The following CHIC1 variants were observed in gnomAD, a reference collection of about 807,000 sequenced individuals.
CHIC1 encodes cysteine-rich hydrophobic domain-containing protein 1.
In CHIC1, 7 loss-of-function variants were observed where a neutral mutation model predicts 18.5. The observed-to-expected ratio is 0.38, with a 90% CI of 0.22 to 0.71. The LOEUF is 0.71. CHIC1 is among the 30% of genes least tolerant of loss of function. The probability of loss-of-function intolerance (pLI) is 0.49; values close to 1 mark genes in which losing one functional copy is unlikely to be tolerated. For synonymous variants in CHIC1, 77 were observed against 73.5 expected, an observed-to-expected ratio of 1.05 and a Z score of -0.25; for missense variants, 159 against 176.9, an observed-to-expected ratio of 0.90 and a Z score of 0.57.
chrX:73,597,545 A>T (rs867473574), intron 3 of CHIC1, among the ~76,000 whole-genome samples: 1 of 107,660 alleles, frequency 9.3e-6, no homozygotes, highest in Non-Finnish European at 1.9e-5. Context: ...ATCTTAAAAA[A>T]ATATATTTTT....
intron 3 of CHIC1, among the ~76,000 whole-genome samples, chrX:73,632,763 CTTTTTTT>C (rs778008597): frequency 7.9e-5 from 5 of 63,645 alleles, no homozygotes; most frequent in Non-Finnish European, 1.2e-4. Context: ...TATTGTTATT[CTTTTTTT>C]TTTTTTTTTT....
In CHIC1 at chrX:73,589,398, C is replaced by T. The variant is rs182131537; in HGVS notation, c.507+4826C>T. Among the ~76,000 whole-genome samples the T allele has an allele frequency of 2.1e-3, 232 of 110,238 alleles. 1 individual carries two copies. Among genetic ancestry groups the T allele is most frequent in the African/African-American group, 7.2e-3 (219 of 30,511 alleles). The stretch of plus-strand genomic sequence containing the variant: ...TTTACTGTACTGTATACCTTATTTC[C>T]TTTTCTGTATCTTTTTAAGTTATTT... On this transcript the variant is annotated intron_variant, in intron 3 of 5. Coordinates refer to ENST00000373502, the MANE Select transcript of CHIC1 (RefSeq NM_001039840.4).
intron 3 of CHIC1, among the ~76,000 whole-genome samples, chrX:73,673,761 C>T (rs2058045673): frequency 9.0e-6 from 1 of 111,406 alleles, no homozygotes; most frequent in Non-Finnish European, 1.9e-5. Flanking sequence ...GACTAATTGC[C>T]CTGGCCAGAA....
At chrX:73,602,349 A>G (rs1380148049) in intron 3 of CHIC1, among the ~76,000 whole-genome samples, 1 of 107,869 alleles carries the variant, frequency 9.3e-6, no homozygotes, top group African/African-American at 3.6e-5. Flanking sequence ...TCCTTCACCC[A>G]CTTTTTGAGG....
chrX:73,673,519 G>A (rs1352971807), intron 3 of CHIC1, among the ~76,000 whole-genome samples: 1 of 111,747 alleles, frequency 8.9e-6, no homozygotes, highest in Non-Finnish European at 1.9e-5. Flanking sequence ...AATTGTGAAT[G>A]GGAGTTTACT....
chrX:73,607,316 G>A (rs1345153594), intron 3 of CHIC1, among the ~76,000 whole-genome samples: 1 of 107,901 alleles, frequency 9.3e-6, no homozygotes, highest in East Asian at 2.9e-4. Context: ...CTCAGTAATG[G>A]TGGATGCCCC....
intron 1 of CHIC1, among the ~76,000 whole-genome samples, chrX:73,564,449 G>A (rs1202142342): frequency 9.0e-6 from 1 of 111,471 alleles, no homozygotes; most frequent in African/African-American, 3.3e-5. Context: ...TTGAAATCTT[G>A]AGGAAAAATT....
At chrX:73,677,624 A>G (rs1226416101) in intron 3 of CHIC1, among the ~76,000 whole-genome samples, 1 of 112,007 alleles carries the variant, frequency 8.9e-6, no homozygotes, top group Non-Finnish European at 1.9e-5. Flanking sequence ...CCGATTTTCC[A>G]GGTGCCATCT....
intron 3 of CHIC1, among the ~76,000 whole-genome samples, chrX:73,629,635 C>A (rs185671842): frequency 2.8e-4 from 31 of 111,165 alleles, no homozygotes; most frequent in African/African-American, 1.0e-3. Flanking sequence ...TATTTCTGGG[C>A]TCTGTTGGTG....
chrX:73,634,685 C>T lies in CHIC1; in HGVS notation c.508-44641C>T, dbSNP rs186390094. Among the ~76,000 whole-genome samples the T allele has an allele frequency of 9.8e-4, 109 of 111,708 alleles. 1 individual carries two copies. Among genetic ancestry groups the T allele is most frequent in the African/African-American group, 3.5e-3 (106 of 30,724 alleles). ...CTGCACACTGATTGTTGTGCTCTCC[C>T]TCCCCTTCTTTTTGCTTCTTGTTGT... On this transcript the variant is annotated intron_variant, in intron 3 of 5. Coordinates refer to ENST00000373502, the MANE Select transcript of CHIC1 (RefSeq NM_001039840.4).
intron 3 of CHIC1, among the ~76,000 whole-genome samples, chrX:73,606,013 G>T (rs1054056552): frequency 9.3e-6 from 1 of 107,891 alleles, no homozygotes; most frequent in Non-Finnish European, 1.9e-5. Context: ...GGTGTTCTCT[G>T]TATTTCCTGA....
chrX:73,616,294 G>A (rs2057732582), intron 3 of CHIC1, among the ~76,000 whole-genome samples: 1 of 111,639 alleles, frequency 9.0e-6, no homozygotes, highest in Non-Finnish European at 1.9e-5. Flanking sequence ...TCTGCAGTGG[G>A]AATGTACAAC....
intron 3 of CHIC1, among the ~76,000 whole-genome samples, chrX:73,631,653 C>A (rs1236973398): frequency 2.7e-5 from 3 of 110,685 alleles, no homozygotes; most frequent in South Asian, 3.8e-4. Flanking sequence ...TATTTGATAT[C>A]TTTTTTAATG....
In CHIC1 at chrX:73,599,530, C is replaced by T. The variant is rs747102505; in HGVS notation, c.507+14958C>T. On this transcript the variant is annotated intron_variant, in intron 3 of 5. Coordinates refer to ENST00000373502, the MANE Select transcript of CHIC1 (RefSeq NM_001039840.4). ...TTGTATAAGGTGTAAGGAAGGGATC[C>T]AGTTTCAGCTTTCTACATCTGGCTA... 2.6e-4 allele frequency among the ~76,000 whole-genome samples: 27 copies of T among 104,339 alleles called. No homozygotes were observed. In the South Asian group the frequency reaches 0.011, roughly 44 times the overall value. 90.6% of individuals were successfully genotyped at this position (104,339 alleles called of 115,157 possible). A position where few individuals can be genotyped will look rare whatever the true frequency, so the allele number is the denominator to read the frequency against.
intron 2 of CHIC1, among the ~76,000 whole-genome samples, chrX:73,583,187 A>T (rs986367590): frequency 2.7e-5 from 3 of 111,210 alleles, no homozygotes; most frequent in Non-Finnish European, 5.7e-5. Flanking sequence ...GGGCTAAGCA[A>T]TTAACCTTAT....
chrX:73,611,379 A>G (rs746568396), intron 3 of CHIC1, among the ~76,000 whole-genome samples: 4 of 108,966 alleles, frequency 3.7e-5, no homozygotes, highest in South Asian at 7.6e-4. Context: ...ATAGTATTCC[A>G]TAGTGTATAT....
intron 2 of CHIC1, among the ~76,000 whole-genome samples, chrX:73,579,698 G>A (rs1341073595): frequency 9.1e-6 from 1 of 110,143 alleles, no homozygotes; most frequent in Non-Finnish European, 1.9e-5. Context: ...GTGAGATTTT[G>A]GCTCACTCTT....
intron 3 of CHIC1, among the ~76,000 whole-genome samples, chrX:73,609,795 A>G (rs1273570002): frequency 1.8e-5 from 2 of 109,616 alleles, no homozygotes; most frequent in African/African-American, 7.1e-5. Flanking sequence ...TATTATTTCT[A>G]TGTGTTGGAC....
chrX:73,683,010 T>C lies in CHIC1; in HGVS notation c.*2005T>C, dbSNP rs746211714. ...TTTTAAGTGTTGATCCTTAGAAATC[T>C]TATTTTTTTCTATAACCTTAGAATT... On this transcript the variant is annotated 3_prime_UTR_variant, in exon 6 of 6. Transcript: ENST00000373502. 1 of 111,406 alleles carries C rather than the reference T, an allele frequency of 9.0e-6. No individual in the cohort carries two copies. The highest frequency in any genetic ancestry group is 9.5e-5 in the Admixed American group (1 of 10,477). 9.2% of individuals were successfully genotyped at this position (111,406 alleles called of 1,213,427 possible).
Sources: allele counts gnomAD v4.1 joint callset (sites outside exome capture counted in the v4.1 genomes callset), GRCh38; gene constraint gnomAD v4.1.1; transcripts MANE v1.5; gene names NCBI Gene and HGNC (gene_info 2026-07-23, HGNC 2026-07-21).